Variants in GEMIN8 observed in about 807,000 individuals in gnomAD.
GEMIN8 encodes gem nuclear organelle associated protein 8.
For synonymous variants in GEMIN8, 80 were observed against 78.5 expected (o/e 1.02, Z -0.10); for missense variants, 185 against 205.9 (o/e 0.90, Z 0.62).
chrX:14,024,750 A>G (rs1490461039), intron 2 of GEMIN8, among the ~76,000 whole-genome samples: 1 of 111,965 alleles, frequency 8.9e-6, no homozygotes, highest in African/African-American at 3.2e-5. Flanking sequence ...CACTATCTAC[A>G]TTAATTAAAT....
chrX:14,000,968 G>A, the GEMIN8 span, among the ~76,000 whole-genome samples: 1 of 111,378 alleles, frequency 9.0e-6, no homozygotes, highest in East Asian at 2.8e-4. Context: ...TTGCTTTAAG[G>A]TCCTTCAGAT....
At chrX:13,985,894 G>T in the GEMIN8 span, among the ~76,000 whole-genome samples, 1 of 111,326 alleles carries the variant, frequency 9.0e-6, no homozygotes, top group Admixed American at 9.6e-5. Flanking sequence ...GAAAGTGGAA[G>T]GAAGCCATAT....
chrX:13,998,852 G>T, the GEMIN8 span, among the ~76,000 whole-genome samples: 1 of 112,078 alleles, frequency 8.9e-6, no homozygotes, highest in Non-Finnish European at 1.9e-5. Context: ...TGTGTAAGTT[G>T]TCTAGCACTA....
the GEMIN8 span, among the ~76,000 whole-genome samples, chrX:13,994,586 T>C: frequency 8.9e-6 from 1 of 112,319 alleles, no homozygotes; most frequent in Non-Finnish European, 1.9e-5. Context: ...TAAAATATGT[T>C]TGTGGTGAAA....
At chrX:13,998,808 A>G in the GEMIN8 span, among the ~76,000 whole-genome samples, 7 of 111,749 alleles carry the variant, frequency 6.3e-5, no homozygotes, top group East Asian at 5.6e-4. Flanking sequence ...CTTATGCTTT[A>G]TAAGGTGGTT....
At chrX:14,021,599 A>T in intron 2 of GEMIN8, 88 bp from the exon 3 acceptor site, 2 of 620,845 alleles carry the variant, frequency 3.2e-6, no homozygotes, top group Non-Finnish European at 5.3e-6. Context: ...GGCAGCTCCC[A>T]AGGAACTGCC....
chrX:14,000,645 A>G, the GEMIN8 span, among the ~76,000 whole-genome samples: 3 of 110,911 alleles, frequency 2.7e-5, no homozygotes, highest in African/African-American at 9.8e-5. Flanking sequence ...TGAGTCCCAC[A>G]TCTTGGAGGG....
chrX:14,009,540 C>T (rs1277784761), intron 4 of GEMIN8, among the ~76,000 whole-genome samples: 4 of 108,823 alleles, frequency 3.7e-5, no homozygotes, highest in African/African-American at 1.0e-4. Flanking sequence ...AAGCCAGACC[C>T]GGTGTCAAAA....
intron 3 of GEMIN8, among the ~76,000 whole-genome samples, chrX:14,020,949 T>C (rs1924268155): frequency 9.0e-6 from 1 of 111,144 alleles, no homozygotes; most frequent in Non-Finnish European, 1.9e-5. Flanking sequence ...CTGACAAGCA[T>C]GACAGACTTT....
chrX:14,027,828 C>T (rs1179772261), intron 1 of GEMIN8, among the ~76,000 whole-genome samples: 1 of 111,992 alleles, frequency 8.9e-6, no homozygotes. Flanking sequence ...TACCCTCTGA[C>T]TCAGGAACAC....
chrX:14,000,913 G>T, the GEMIN8 span, among the ~76,000 whole-genome samples: 1 of 110,999 alleles, frequency 9.0e-6, no homozygotes, highest in Non-Finnish European at 1.9e-5. Flanking sequence ...GAGTATATTA[G>T]CTTTGATGTA....
At chrX:14,011,889 G>T (rs1241918210) in intron 4 of GEMIN8, among the ~76,000 whole-genome samples, 2 of 110,031 alleles carry the variant, frequency 1.8e-5, no homozygotes, top group Admixed American at 9.8e-5. Context: ...ATTATATATA[G>T]AGAGATGTGT....
chrX:13,996,075 G>A, the GEMIN8 span, among the ~76,000 whole-genome samples: 1 of 111,887 alleles, frequency 8.9e-6, no homozygotes, highest in Non-Finnish European at 1.9e-5. Context: ...TGCAATGCTT[G>A]TCTTGTATGT....
At chrX:13,986,905 C>G in the GEMIN8 span, among the ~76,000 whole-genome samples, 1 of 112,619 alleles carries the variant, frequency 8.9e-6, no homozygotes, top group Non-Finnish European at 1.9e-5. Context: ...AAAGTATTCA[C>G]TAGGCTCTAT....
intron 2 of GEMIN8, 88 bp downstream of exon 2, chrX:14,026,052 C>T: frequency 1.2e-5 from 9 of 750,032 alleles, no homozygotes; most frequent in Non-Finnish European, 1.4e-5. Flanking sequence ...AGACTACTAC[C>T]TCTCAAAGAA....
intron 4 of GEMIN8, chrX:14,014,112 C>T (rs976353537): frequency 1.3e-6 from 1 of 750,529 alleles, no homozygotes; most frequent in Non-Finnish European, 1.6e-6. Context: ...ACACATAGAG[C>T]CCAAAGGCAG....
At chrX:14,017,137 A>G (rs1371481902) in intron 4 of GEMIN8, among the ~76,000 whole-genome samples, 1 of 109,719 alleles carries the variant, frequency 9.1e-6, no homozygotes, top group African/African-American at 3.3e-5. Context: ...ATCCTATTTC[A>G]TAGGTGAGGC....
At chrX:13,985,902 T>C in the GEMIN8 span, among the ~76,000 whole-genome samples, 16 of 111,407 alleles carry the variant, frequency 1.4e-4, no homozygotes, top group Admixed American at 1.5e-3. Flanking sequence ...AAGGAAGCCA[T>C]ATATGAGTGA....
the GEMIN8 span, among the ~76,000 whole-genome samples, chrX:13,993,652 G>A: frequency 3.7e-5 from 4 of 109,532 alleles, no homozygotes. Context: ...TGGAACTCCT[G>A]GCCTCTAGCA....
Sources: allele counts gnomAD v4.1 joint callset (sites outside exome capture counted in the v4.1 genomes callset), GRCh38; gene constraint gnomAD v4.1.1; transcripts MANE v1.5; gene names NCBI Gene and HGNC (gene_info 2026-07-23, HGNC 2026-07-21).